The following STAU2 variants were observed in gnomAD, a reference collection of about 807,000 sequenced individuals.
STAU2 encodes the protein double-stranded RNA-binding protein Staufen homolog 2.
Under a neutral mutation model 65.9 loss-of-function variants are expected in STAU2, and 20 were observed. That is an observed-to-expected ratio of 0.30 (90% CI 0.21 to 0.44). The LOEUF (loss-of-function observed/expected upper bound fraction) is 0.44, where lower values mean the gene tolerates loss of function less well. Among genes scored for constraint, STAU2 ranks in the 20% least tolerant of loss-of-function variants. The pLI, the probability that STAU2 is intolerant of heterozygous loss-of-function variation, is 1.00. For synonymous variants in STAU2, 232 were observed against 233.9 expected (o/e 0.99, Z 0.07); for missense variants, 558 against 683.9 (o/e 0.82, Z 2.05).
At chr8:73,735,337 G>A (rs1806358529) in intron 3 of STAU2, among the ~76,000 whole-genome samples, 3 of 152,142 alleles carry the variant, frequency 2.0e-5, no homozygotes, top group African/African-American at 7.2e-5. Flanking sequence ...TCTATGTTTA[G>A]CTGAAGAGAG....
intron 12 of STAU2, among the ~76,000 whole-genome samples, chr8:73,574,338 G>A (rs536683994): frequency 1.3e-5 from 2 of 152,314 alleles, no homozygotes; most frequent in South Asian, 4.1e-4. Context: ...CATTGTGCAA[G>A]ACAGTGTGGC....
intron 6 of STAU2, among the ~76,000 whole-genome samples, chr8:73,637,706 A>G (rs1814651787): frequency 1.3e-5 from 2 of 151,922 alleles, no homozygotes; most frequent in African/African-American, 2.4e-5. Flanking sequence ...ATCTTCAGAG[A>G]AAACAAAAAC....
intron 13 of STAU2, among the ~76,000 whole-genome samples, chr8:73,442,139 G>A (rs1292198681): frequency 4.6e-5 from 7 of 152,034 alleles, no homozygotes; most frequent in African/African-American, 1.7e-4. Context: ...CGGATCACGA[G>A]GTCAGGAGAT....
At chr8:73,712,986 T>C (rs7833875) in intron 3 of STAU2, among the ~76,000 whole-genome samples, 42,050 of 152,046 alleles carry the variant, frequency 0.28, 6,325 homozygotes, top group East Asian at 0.46. Context: ...GTGAAAAGCA[T>C]GTATTTGTTA....
intron 13 of STAU2, among the ~76,000 whole-genome samples, chr8:73,523,196 C>CA (rs763732188): frequency 0.078 from 6,094 of 78,140 alleles, 220 homozygotes; most frequent in African/African-American, 0.089. Context: ...ACTTTGTCTC[C>CA]AAAAAAAAAA....
intron 10 of STAU2, among the ~76,000 whole-genome samples, chr8:73,599,893 G>A (rs1175131448): frequency 4.0e-5 from 6 of 151,774 alleles, no homozygotes; most frequent in Non-Finnish European, 8.8e-5. Flanking sequence ...TCAGCCTCCC[G>A]AGTAGCTAGG....
At chr8:73,658,894 C>T (rs1172378153) in intron 6 of STAU2, among the ~76,000 whole-genome samples, 2 of 148,446 alleles carry the variant, frequency 1.3e-5, no homozygotes, top group Non-Finnish European at 3.0e-5. Context: ...GCCTGGGCGA[C>T]AGAGAGAAAC....
rs185989408 is a variant in STAU2 at position 73,628,313 on chromosome 8, C to T, written c.411-10862G>A. On this transcript the variant is annotated intron_variant, in intron 6 of 14. Transcript: ENST00000524300. ...TCTTGAATTCCTGGGCTAAAGCAAT[C>T]CTCCCAACTCGGGCGCCCAAAGTGC... Among the ~76,000 whole-genome samples the T allele has an allele frequency of 1.2e-3, 188 of 151,852 alleles. 2 individuals carry two copies. Among genetic ancestry groups the T allele is most frequent in the African/African-American group, 4.0e-3 (165 of 41,370 alleles).
intron 13 of STAU2, among the ~76,000 whole-genome samples, chr8:73,463,030 C>T (rs1410994614): frequency 6.6e-6 from 1 of 152,184 alleles, no homozygotes; most frequent in East Asian, 1.9e-4. Flanking sequence ...GCCTGCCTGC[C>T]GGCCTCTCCA....
Position 73,627,312 on chromosome 8 carries a change from G to C in STAU2, c.411-9861C>G, listed in dbSNP as rs1013961731. Among the ~76,000 whole-genome samples the C allele has an allele frequency of 4.8e-5, 7 of 146,976 alleles. No individual in the cohort carries two copies. In the South Asian group the frequency reaches 1.5e-3, roughly 32 times the overall value. On this transcript the variant is annotated intron_variant, in intron 6 of 14. Coordinates refer to ENST00000524300, the MANE Select transcript of STAU2 (RefSeq NM_001164380.2). ...ACTGGAGTCTTCCTAATGGGGTCTA[G>C]AAACACTTGCTAAAAAGCAGATTCA...
intron 6 of STAU2, among the ~76,000 whole-genome samples, chr8:73,626,289 C>T (rs2129975994): frequency 6.6e-6 from 1 of 152,292 alleles, no homozygotes; most frequent in African/African-American, 2.4e-5. Flanking sequence ...AGTGCAAAGG[C>T]CCTGCAGAAA....
At chr8:73,498,817 G>A (rs1244846124) in intron 13 of STAU2, among the ~76,000 whole-genome samples, 4 of 151,818 alleles carry the variant, frequency 2.6e-5, no homozygotes, top group African/African-American at 4.8e-5. Flanking sequence ...ACATTGAGCA[G>A]CTAAGGGAAT....
chr8:73,504,775 T>C (rs1365274066), intron 13 of STAU2, among the ~76,000 whole-genome samples: 2 of 152,166 alleles, frequency 1.3e-5, no homozygotes, highest in Non-Finnish European at 2.9e-5. Context: ...AAAATAACCT[T>C]AAATAATTTC....
chr8:73,448,310 G>A (rs977965586), intron 13 of STAU2, among the ~76,000 whole-genome samples: 2 of 146,470 alleles, frequency 1.4e-5, no homozygotes, highest in African/African-American at 5.3e-5. Flanking sequence ...TTTTTTTTTG[G>A]AGTCTCGCTC....
At chr8:73,615,923 C>G (rs1812805601) in intron 7 of STAU2, 141 bp from the exon 8 acceptor site, 1 of 588,478 alleles carries the variant, frequency 1.7e-6, no homozygotes, top group African/African-American at 1.9e-5. Context: ...TCTCCTGTAA[C>G]CACAGCGGTC....
intron 9 of STAU2, among the ~76,000 whole-genome samples, chr8:73,608,504 G>C (rs1437768493): frequency 2.0e-5 from 3 of 151,882 alleles, no homozygotes; most frequent in African/African-American, 7.3e-5. Context: ...CTACTCAGGA[G>C]GCTGAGGAAG....
chr8:73,476,750 T>C (rs1174092076), intron 13 of STAU2, among the ~76,000 whole-genome samples: 1 of 152,112 alleles, frequency 6.6e-6, no homozygotes, highest in Non-Finnish European at 1.5e-5. Flanking sequence ...TAGATTGTAC[T>C]TTCCTCTCAA....
At chr8:73,638,595 T>C (rs1814728729) in intron 6 of STAU2, among the ~76,000 whole-genome samples, 1 of 151,638 alleles carries the variant, frequency 6.6e-6, no homozygotes, top group Non-Finnish European at 1.5e-5. Flanking sequence ...CCCACTAAAG[T>C]TCTAGACTTA....
chr8:73,627,953 T>C (rs1400399631), intron 6 of STAU2, among the ~76,000 whole-genome samples: 1 of 152,120 alleles, frequency 6.6e-6, no homozygotes, highest in African/African-American at 2.4e-5. Flanking sequence ...GACAAACCAG[T>C]TGAAAATTAT....
Sources: gnomAD v4.1 joint callset for allele counts (sites outside exome capture counted in the v4.1 genomes callset) on GRCh38, gnomAD v4.1.1 for gene constraint, MANE v1.5 for transcripts, NCBI Gene and HGNC (gene_info 2026-07-23, HGNC 2026-07-21) for gene names.